The following ZNF44 variants were observed in gnomAD, a reference collection of about 807,000 sequenced individuals.
ZNF44 encodes zinc finger protein 44, also known as gonadotropin inducible transcription repressor-2.
Under a neutral mutation model 11.7 loss-of-function variants are expected in ZNF44, and 9 were observed. The observed-to-expected ratio is 0.77, with a 90% CI of 0.46 to 1.35. The LOEUF is 1.35. ZNF44 is among the 40% of genes most tolerant of loss of function. The probability of loss-of-function intolerance (pLI) is 0.00; values close to 1 mark genes in which losing one functional copy is unlikely to be tolerated. For synonymous variants in ZNF44, 224 were observed against 242.7 expected, an observed-to-expected ratio of 0.92 and a Z score of 0.72; for missense variants, 696 against 743.1, an observed-to-expected ratio of 0.94 and a Z score of 0.74.
chr19:12,244,429 A>G (rs1916713016), downstream of ZNF44, among the ~76,000 whole-genome samples: 1 of 152,186 alleles, frequency 6.6e-6, no homozygotes, highest in African/African-American at 2.4e-5. Flanking sequence ...GCCTCAACAG[A>G]CTTAATTTTG....
chr19:12,274,772 AC>A (rs1438622950), intron 3 of ZNF44, among the ~76,000 whole-genome samples, 200 bp downstream of exon 3: 27 of 152,132 alleles, frequency 1.8e-4, no homozygotes, highest in Non-Finnish European at 3.1e-4. Flanking sequence ...CATGGGAACT[AC>A]TTTGCAAACA....
intron 5 of ZNF44, among the ~76,000 whole-genome samples, chr19:12,255,180 C>T (rs1401417475): frequency 1.3e-5 from 2 of 151,676 alleles, no homozygotes; most frequent in African/African-American, 2.4e-5. Flanking sequence ...GACAAGTATG[C>T]TACTGAACAT....
intron 1 of ZNF44, among the ~76,000 whole-genome samples, chr19:12,279,127 T>C (rs1346423080): frequency 6.6e-6 from 1 of 152,232 alleles, no homozygotes; most frequent in Non-Finnish European, 1.5e-5. Flanking sequence ...AGGAAATCTC[T>C]GTCAGAACAC....
rs565950475 is a variant in ZNF44 at position 12,260,299 on chromosome 19, G to T, written c.1913-9931C>A. 1.4e-5 allele frequency: 12 copies of T among 848,408 alleles called. No homozygotes were observed. In the African/African-American group the frequency reaches 2.0e-4, roughly 14 times the overall value. The allele number at this position is 848,408 out of a possible 1,614,324, so 52.6% of individuals were successfully genotyped here. A position where few individuals can be genotyped will look rare whatever the true frequency, so the allele number is the denominator to read the frequency against. ...GTGGAGCCGGCAGCCGAGGACAAAG[G>T]TGTGGTGGTGGTCACGAAGCAGAGA... On this transcript the variant is annotated intron_variant and NMD_transcript_variant, in intron 5 of 7. Coordinates refer to the ZNF44 transcript ENST00000393337.
downstream of ZNF44, among the ~76,000 whole-genome samples, chr19:12,268,732 C>T (rs1003972952): frequency 6.7e-6 from 1 of 149,378 alleles, no homozygotes; most frequent in Non-Finnish European, 1.5e-5. Context: ...TGTCAGCATG[C>T]CTGGCTAATT....
intron 5 of ZNF44, among the ~76,000 whole-genome samples, chr19:12,259,278 A>G (rs1483189739): frequency 6.6e-6 from 1 of 152,194 alleles, no homozygotes; most frequent in Non-Finnish European, 1.5e-5. Context: ...TTTCTGCTCT[A>G]TTTATTTTAT....
At chr19:12,254,802 G>A (rs1171686012) in intron 5 of ZNF44, among the ~76,000 whole-genome samples, 1 of 151,844 alleles carries the variant, frequency 6.6e-6, no homozygotes, top group East Asian at 1.9e-4. Context: ...AAACTTTGTA[G>A]GGGCTAGGCG....
rs546580924 is a variant in ZNF44 at position 12,276,582 on chromosome 19, T to C, written c.4-500A>G. ...ACTATTTGTGTAAAAATTATGGTAT[T>C]TGCTTAACTCCTAACTTCCCTCTGA... On this transcript the variant is annotated intron_variant, in intron 1 of 3. Transcript: ENST00000355684. Among the ~76,000 whole-genome samples the C allele has an allele frequency of 3.3e-5, 5 of 152,296 alleles. No homozygotes were observed. The East Asian group carries it at 5.8e-4, about 18-fold the overall frequency.
At chr19:12,253,645 C>T (rs143378925) in intron 5 of ZNF44, among the ~76,000 whole-genome samples, 43 of 152,248 alleles carry the variant, frequency 2.8e-4, no homozygotes, top group Non-Finnish European at 5.7e-4. Context: ...TTTCAACACC[C>T]TCCTACCAGT....
At chr19:12,266,741 G>T (rs935505436) in intron 5 of ZNF44, among the ~76,000 whole-genome samples, 2 of 152,200 alleles carry the variant, frequency 1.3e-5, no homozygotes, top group African/African-American at 4.8e-5. Flanking sequence ...ACATGCCCTC[G>T]CCAGAGGACA....
chr19:12,248,318 G>T, exon 8 of ZNF44: 1 of 1,294,306 alleles, frequency 7.7e-7, no homozygotes, highest in Non-Finnish European at 1.0e-6. Context: ...CATGTATTTG[G>T]AAAGAACGTT....
exon 8 of ZNF44, chr19:12,248,209 C>T: frequency 7.6e-7 from 1 of 1,307,614 alleles, no homozygotes; most frequent in Non-Finnish European, 1.0e-6. Flanking sequence ...GGTTTCTCTC[C>T]AGTATGAGCC....
chr19:12,235,241 C>T (rs1260352978), intron 1 of ZNF44, among the ~76,000 whole-genome samples: 5 of 152,062 alleles, frequency 3.3e-5, no homozygotes, highest in African/African-American at 2.4e-5. Flanking sequence ...TGGTAGCAGG[C>T]GCCTGTAGTC....
At position 12,258,819 on chromosome 19, in the gene ZNF44, ACT is replaced by A. The variant is rs574481256; in HGVS notation, c.1913-8453_1913-8452del. On this transcript the variant is annotated intron_variant and NMD_transcript_variant, in intron 5 of 7. Transcript: ENST00000393337. ...ACTCCAGCCTAGGTGACAGAGCGAG[ACT>A]CTGTCTCAATAAATAAATAAATAAA... Among the ~76,000 whole-genome samples the A allele has an allele frequency of 3.0e-3, 449 of 151,978 alleles. 2 individuals are homozygous for A. Among genetic ancestry groups the A allele is most frequent in the Non-Finnish European group, 3.1e-3 (210 of 67,944 alleles).
chr19:12,233,961 T>C (rs2438543), intron 2 of ZNF44, among the ~76,000 whole-genome samples: 9,262 of 151,390 alleles, frequency 0.061, 961 homozygotes, highest in African/African-American at 0.22. Context: ...ACGCAGGAGG[T>C]TGAGGCAGGA....
chr19:12,249,260 C>T (rs1916889677), intron 7 of ZNF44, among the ~76,000 whole-genome samples: 1 of 151,132 alleles, frequency 6.6e-6, no homozygotes, highest in Non-Finnish European at 1.5e-5. Context: ...AATCCCAGCA[C>T]TTTGGGAGGC....
chr19:12,245,007 TA>T (rs1334030847), downstream of ZNF44, among the ~76,000 whole-genome samples: 1 of 152,214 alleles, frequency 6.6e-6, no homozygotes, highest in East Asian at 1.9e-4. Context: ...GGTGTGATTC[TA>T]GTGGTCTCTG....
Position 12,256,039 on chromosome 19 carries a change from A to C in ZNF44, c.1913-5671T>G, listed in dbSNP as rs1306917000. On this transcript the variant is annotated intron_variant and NMD_transcript_variant, in intron 5 of 7. Coordinates refer to the ZNF44 transcript ENST00000393337. ...GCAACAAGAGCGAAACTCTGTCTCA[A>C]AAAAAAAAAAAAAAAAAAAAAAAAA... 2.3e-4 allele frequency among the ~76,000 whole-genome samples: 15 copies of C among 66,092 alleles called. 1 individual carries two copies. Among genetic ancestry groups the C allele is most frequent in the Admixed American group, 3.5e-4 (3 of 8,564 alleles). 43.4% of individuals were successfully genotyped at this position (66,092 alleles called of 152,430 possible). A position where few individuals can be genotyped will look rare whatever the true frequency, so the allele number is the denominator to read the frequency against.
downstream of ZNF44, chr19:12,226,088 T>A (rs1269205493): frequency 6.6e-6 from 1 of 152,236 alleles, no homozygotes; most frequent in Non-Finnish European, 1.5e-5. Flanking sequence ...CCATTTTCAT[T>A]AAAAGACAAA....
Sources: gnomAD v4.1 joint callset for allele counts (sites outside exome capture counted in the v4.1 genomes callset) on GRCh38, gnomAD v4.1.1 for gene constraint, MANE v1.5 for transcripts, NCBI Gene and HGNC (gene_info 2026-07-23, HGNC 2026-07-21) for gene names.